ASIC2: variants seen among roughly 807,000 people sequenced by gnomAD.
The protein encoded by ASIC2 is acid-sensing ion channel 2.
ASIC2 carries 25 observed loss-of-function variants against 57.3 expected under a neutral mutation model. The ratio of observed to expected loss-of-function variants is 0.44; its 90% CI spans 0.32 to 0.61. The LOEUF is 0.61. Among genes scored for constraint, ASIC2 ranks in the 20% least tolerant of loss-of-function variants. The pLI is 0.06. For synonymous variants in ASIC2, 319 were observed against 307.5 expected (o/e 1.04, Z -0.39); for missense variants, 641 against 738.1 (o/e 0.87, Z 1.52).
chr17:33,884,253 G>C (rs1304940020), intron 1 of ASIC2, among the ~76,000 whole-genome samples: 1 of 152,140 alleles, frequency 6.6e-6, no homozygotes, highest in Non-Finnish European at 1.5e-5. Flanking sequence ...ACCCCAACCT[G>C]CTCCCTCTCT....
chr17:33,047,409 G>A (rs2091959979), intron 3 of ASIC2, among the ~76,000 whole-genome samples: 1 of 151,986 alleles, frequency 6.6e-6, no homozygotes, highest in Non-Finnish European at 1.5e-5. Flanking sequence ...CACCATCATA[G>A]CTCACTGTAC....
chr17:33,355,653 T>G (rs1340760597), intron 1 of ASIC2, among the ~76,000 whole-genome samples: 3 of 152,232 alleles, frequency 2.0e-5, no homozygotes, highest in Non-Finnish European at 4.4e-5. Context: ...TAACAACCCT[T>G]GATAAATAGT....
At chr17:33,810,298 G>T (rs1186923617) in intron 1 of ASIC2, among the ~76,000 whole-genome samples, 1 of 152,176 alleles carries the variant, frequency 6.6e-6, no homozygotes, top group Non-Finnish European at 1.5e-5. Flanking sequence ...AAGAGCAATT[G>T]TATCAGTCTA....
At chr17:33,342,461 T>G (rs1907761094) in intron 1 of ASIC2, among the ~76,000 whole-genome samples, 1 of 152,144 alleles carries the variant, frequency 6.6e-6, no homozygotes, top group South Asian at 2.1e-4. Flanking sequence ...TGTACATACA[T>G]GCATGTGGTA....
chr17:33,370,887 C>T (rs1316266327), intron 1 of ASIC2, among the ~76,000 whole-genome samples: 3 of 152,148 alleles, frequency 2.0e-5, no homozygotes, highest in African/African-American at 7.2e-5. Context: ...CCAGGCAAGT[C>T]CGCAGTGCAA....
At chr17:34,050,626 C>A (rs966339829) in intron 1 of ASIC2, among the ~76,000 whole-genome samples, 8 of 152,164 alleles carry the variant, frequency 5.3e-5, no homozygotes, top group African/African-American at 1.9e-4. Flanking sequence ...ATACAAAAGA[C>A]CTTCATTGAA....
intron 1 of ASIC2, among the ~76,000 whole-genome samples, chr17:33,453,692 A>G (rs192084401): frequency 6.6e-6 from 1 of 152,332 alleles, no homozygotes; most frequent in Admixed American, 6.5e-5. Flanking sequence ...TGTTTGACCT[A>G]TCTACATACC....
chr17:33,128,247 C>T (rs1166499348), intron 1 of ASIC2, among the ~76,000 whole-genome samples: 1 of 152,212 alleles, frequency 6.6e-6, no homozygotes, highest in Admixed American at 6.5e-5. Context: ...CCTACTTGAA[C>T]TTCAAATCTC....
intron 1 of ASIC2, among the ~76,000 whole-genome samples, chr17:34,101,773 G>A (rs554002992): frequency 2.0e-5 from 3 of 152,080 alleles, no homozygotes; most frequent in East Asian, 1.9e-4. Context: ...ATATCCTGTC[G>A]CTTGCTTTTT....
At chr17:33,410,682 C>A (rs1910628632) in intron 1 of ASIC2, among the ~76,000 whole-genome samples, 1 of 152,210 alleles carries the variant, frequency 6.6e-6, no homozygotes, top group South Asian at 2.1e-4. Context: ...TAGTCTTGGA[C>A]TCTTGTATTC....
At chr17:33,909,507 C>A (rs972929389) in intron 1 of ASIC2, among the ~76,000 whole-genome samples, 1 of 152,068 alleles carries the variant, frequency 6.6e-6, no homozygotes, top group Non-Finnish European at 1.5e-5. Context: ...AGTGGAACCA[C>A]GGAGCATGGG....
At chr17:33,861,302 A>T (rs1268585743) in intron 1 of ASIC2, among the ~76,000 whole-genome samples, 1 of 152,246 alleles carries the variant, frequency 6.6e-6, no homozygotes, top group Non-Finnish European at 1.5e-5. Flanking sequence ...TGAAAAACGC[A>T]GAGTTCAAAA....
chr17:33,067,203 G>C (rs1230466341), intron 3 of ASIC2, among the ~76,000 whole-genome samples: 1 of 152,170 alleles, frequency 6.6e-6, no homozygotes, highest in Non-Finnish European at 1.5e-5. Context: ...TTGAAAGATG[G>C]GGATTCTACT....
At chr17:33,787,708 A>G (rs557720420) in intron 1 of ASIC2, among the ~76,000 whole-genome samples, 89 of 152,290 alleles carry the variant, frequency 5.8e-4, no homozygotes, top group African/African-American at 2.0e-3. Context: ...TGTTTGTGAC[A>G]ATACAAGAGG....
chr17:34,136,545 T>C (rs927658090), intron 1 of ASIC2, among the ~76,000 whole-genome samples: 6 of 152,254 alleles, frequency 3.9e-5, no homozygotes, highest in African/African-American at 1.4e-4. Context: ...TTTCAATCAA[T>C]TGCCAATCAG....
intron 1 of ASIC2, among the ~76,000 whole-genome samples, chr17:33,978,345 G>C (rs947444281): frequency 1.3e-5 from 2 of 152,222 alleles, no homozygotes; most frequent in African/African-American, 4.8e-5. Context: ...TCACACTGCA[G>C]TCGAGTCAAG....
intron 1 of ASIC2, among the ~76,000 whole-genome samples, chr17:33,814,733 C>T (rs560367376): frequency 1.1e-4 from 16 of 152,222 alleles, no homozygotes; most frequent in African/African-American, 1.7e-4. Flanking sequence ...GGTGTGCGAC[C>T]GCATAATTAT....
At position 33,477,089 on chromosome 17, in the gene ASIC2, T is replaced by C. The variant is rs35309833; in HGVS notation, c.556-365022A>G. ...GCTCTATTTCATTAATTTTGGTTGC[T>C]AAATCTTATTCCATTGTATAGCTTT... On this transcript the variant is annotated intron_variant, in intron 1 of 9. Coordinates refer to the ASIC2 transcript ENST00000359872. Among the ~76,000 whole-genome samples, 128 of 152,332 alleles carry C rather than the reference T, an allele frequency of 8.4e-4. 2 individuals are homozygous for C. The highest frequency in any genetic ancestry group is 2.6e-3 in the African/African-American group (108 of 41,580).
At chr17:33,734,115 A>T (rs1273543909) in intron 1 of ASIC2, among the ~76,000 whole-genome samples, 1 of 152,166 alleles carries the variant, frequency 6.6e-6, no homozygotes, top group Non-Finnish European at 1.5e-5. Flanking sequence ...CCCCACAGGC[A>T]CAGCCTGCAT....
Sources: allele counts gnomAD v4.1 joint callset (sites outside exome capture counted in the v4.1 genomes callset), GRCh38; gene constraint gnomAD v4.1.1; transcripts MANE v1.5; gene names NCBI Gene and HGNC (gene_info 2026-07-23, HGNC 2026-07-21).